RLN2: variants seen among roughly 807,000 people sequenced by gnomAD.
The protein encoded by RLN2 is prorelaxin H2.
A neutral mutation model predicts 7.3 loss-of-function variants in RLN2; 10 were observed. The ratio of observed to expected loss-of-function variants is 1.36; its 90% CI spans 0.84 to 2.31. RLN2 has a LOEUF of 2.31. RLN2 is among the 30% of genes most tolerant of loss of function. The pLI is 0.00. For missense variants in RLN2, 298 were observed against 217.6 expected, an observed-to-expected ratio of 1.37 and a Z score of -2.32; for synonymous variants, 103 against 82.3, an observed-to-expected ratio of 1.25 and a Z score of -1.36.
chr9:5,326,668 T>C, the RLN2 span, among the ~76,000 whole-genome samples: 8 of 152,070 alleles, frequency 5.3e-5, no homozygotes, highest in Admixed American at 3.9e-4. Flanking sequence ...CAAATAGTGA[T>C]CTGAATCAGC....
At chr9:5,316,115 C>T in the RLN2 span, among the ~76,000 whole-genome samples, 7 of 151,754 alleles carry the variant, frequency 4.6e-5, no homozygotes, top group Non-Finnish European at 1.0e-4. Flanking sequence ...GGTTAAAAAC[C>T]AAAAGAGTCA....
Position 5,299,941 on chromosome 9 carries a change from A to C in RLN2, c.*157T>G. 1 of 467,696 alleles carries C rather than the reference A, an allele frequency of 2.1e-6. No homozygotes were observed. 29.0% of individuals were successfully genotyped at this position (467,696 alleles called of 1,614,324 possible). ...ATCAAATAAAAAAATCTAAACATCA[A>C]CAAAGATGTTTAGATATTCTAAGAA... On this transcript the variant is annotated 3_prime_UTR_variant, in exon 2 of 2. Coordinates refer to ENST00000381627, the MANE Select transcript of RLN2 (RefSeq NM_134441.3).
chr9:5,305,536 T>G (rs952589276), upstream of RLN2, among the ~76,000 whole-genome samples: 1 of 151,646 alleles, frequency 6.6e-6, no homozygotes, highest in Non-Finnish European at 1.5e-5. Flanking sequence ...TTGCTGCACC[T>G]GGTAAGAGGT....
At chr9:5,320,025 A>C in the RLN2 span, among the ~76,000 whole-genome samples, 1 of 148,944 alleles carries the variant, frequency 6.7e-6, no homozygotes, top group African/African-American at 2.5e-5. Flanking sequence ...TCACTCTGTC[A>C]CCCAGACCAG....
chr9:5,333,343 T>C, the RLN2 span, among the ~76,000 whole-genome samples: 1 of 151,976 alleles, frequency 6.6e-6, no homozygotes, highest in African/African-American at 2.4e-5. Flanking sequence ...AGGGGGATAC[T>C]ACCACTGAAC....
the RLN2 span, among the ~76,000 whole-genome samples, chr9:5,329,075 G>A: frequency 6.6e-5 from 10 of 151,546 alleles, no homozygotes; most frequent in East Asian, 3.9e-4. Context: ...AGGCCGAGGC[G>A]GGTGGATCAT....
chr9:5,308,378 C>G (rs1315480488), upstream of RLN2, among the ~76,000 whole-genome samples: 1 of 151,712 alleles, frequency 6.6e-6, no homozygotes, highest in African/African-American at 2.4e-5. Context: ...AAAGAATCAC[C>G]CCTGGCCAGG....
chr9:5,330,385 TC>T, the RLN2 span, among the ~76,000 whole-genome samples: 1 of 151,810 alleles, frequency 6.6e-6, no homozygotes, highest in Non-Finnish European at 1.5e-5. Context: ...ACGCCTGTCA[TC>T]CCAGCACTTT....
At chr9:5,305,969 A>G (rs1816240037), upstream of RLN2, among the ~76,000 whole-genome samples, 1 of 151,948 alleles carries the variant, frequency 6.6e-6, no homozygotes, top group Admixed American at 6.6e-5. Context: ...AGTTTGAGAG[A>G]GGCCTCTCAA....
chr9:5,319,627 T>A, the RLN2 span, among the ~76,000 whole-genome samples: 1 of 151,892 alleles, frequency 6.6e-6, no homozygotes, highest in Non-Finnish European at 1.5e-5. Flanking sequence ...ATAAAATGAA[T>A]CTCCTCTATG....
the RLN2 span, among the ~76,000 whole-genome samples, chr9:5,325,160 T>TG: frequency 2.6e-5 from 4 of 151,946 alleles, no homozygotes; most frequent in African/African-American, 9.7e-5. Context: ...TATTATTTTG[T>TG]GGGGACAGGT....
chr9:5,316,753 T>C, the RLN2 span, among the ~76,000 whole-genome samples: 1 of 152,046 alleles, frequency 6.6e-6, no homozygotes, highest in African/African-American at 2.4e-5. Flanking sequence ...GCGGTAAACA[T>C]ACATGTGCAT....
the RLN2 span, among the ~76,000 whole-genome samples, chr9:5,334,782 T>C: frequency 5.3e-5 from 8 of 151,946 alleles, no homozygotes; most frequent in Admixed American, 2.6e-4. Context: ...ATTAAATTGG[T>C]TTAGTGTCCA....
chr9:5,326,826 A>C, the RLN2 span, among the ~76,000 whole-genome samples: 1 of 152,112 alleles, frequency 6.6e-6, no homozygotes, highest in Admixed American at 6.5e-5. Flanking sequence ...TTGTAAAGTA[A>C]ATACTAAGTA....
chr9:5,320,505 G>A, the RLN2 span, among the ~76,000 whole-genome samples: 1 of 151,510 alleles, frequency 6.6e-6, no homozygotes, highest in African/African-American at 2.4e-5. Context: ...TAAGTAGCTG[G>A]AACGACAGGT....
In RLN2 at chr9:5,300,255, C is replaced by A. The variant is rs61738986; in HGVS notation, c.401G>T (p.Arg134Leu). ...LLFEEFKKLI[R>L]NRQSEAADSS... ...GTCTGCGGCTTCACTTTGTCTATTG[C>A]GAATAAGTTTCTTAAATTCTTCAAA... Residue 134 changes from arginine to leucine, a missense_variant, in exon 2 of 2, where the codon CGC (arginine) becomes CTC (leucine). By Grantham distance (102) the Arg-to-Leu change is moderately radical. Coordinates refer to ENST00000381627, the MANE Select transcript of RLN2 (RefSeq NM_134441.3). The A allele has an allele frequency of 7.6e-3, 12,285 of 1,613,844 alleles. 61 individuals carry two copies. The highest frequency in any genetic ancestry group is 9.5e-3 in the Non-Finnish European group (11,247 of 1,179,852).
At chr9:5,319,074 C>T in the RLN2 span, among the ~76,000 whole-genome samples, 5 of 151,866 alleles carry the variant, frequency 3.3e-5, no homozygotes, top group African/African-American at 1.2e-4. Context: ...TCTCCCTAGC[C>T]CAGCATTCTA....
intron 1 of RLN2, among the ~76,000 whole-genome samples, chr9:5,302,124 T>A (rs563279854): frequency 1.3e-5 from 2 of 152,304 alleles, no homozygotes; most frequent in South Asian, 2.1e-4. Context: ...ACAGTTATAG[T>A]TTGTATTAGG....
chr9:5,304,198 T>C, intron 1 of RLN2, 172 bp downstream of exon 1: 1 of 529,982 alleles, frequency 1.9e-6, no homozygotes. Context: ...TAAAATCACC[T>C]GGCAAAGGAA....
Sources: gnomAD v4.1 joint callset for allele counts (sites outside exome capture counted in the v4.1 genomes callset) on GRCh38, gnomAD v4.1.1 for gene constraint, MANE v1.5 for transcripts, NCBI Gene and HGNC (gene_info 2026-07-23, HGNC 2026-07-21) for gene names.